Variants in NOVA2 observed in about 807,000 individuals in gnomAD.
The protein encoded by NOVA2 is RNA-binding protein Nova-2.
In NOVA2, 9 loss-of-function variants were observed where a neutral mutation model predicts 22.5. The ratio of observed to expected loss-of-function variants is 0.40; its 90% confidence interval spans 0.24 to 0.70. NOVA2 has a LOEUF of 0.70. Ranked by LOEUF, NOVA2 falls within the 30% of genes least tolerant of loss-of-function variation. NOVA2 has a pLI of 0.38. For missense variants in NOVA2, 383 were observed against 682.8 expected, an observed-to-expected ratio of 0.56 and a Z score of 4.89; for synonymous variants, 318 against 335.2, an observed-to-expected ratio of 0.95 and a Z score of 0.56.
At chr19:45,973,233 C>G in intron 1 of NOVA2, 34 bp downstream of exon 1, 1 of 1,356,960 alleles carries the variant, frequency 7.4e-7, no homozygotes, top group Non-Finnish European at 9.8e-7. Context: ...GCCCCCTGCC[C>G]GCTCCCCCGC....
chr19:45,954,000 C>T, intron 2 of NOVA2, 54 bp from the exon 3 acceptor site: 1 of 1,583,378 alleles, frequency 6.3e-7, no homozygotes, highest in Admixed American at 1.7e-5. Context: ...TGGGAACATT[C>T]CTGAGAGACA....
At chr19:45,960,944 C>T in intron 2 of NOVA2, 66 bp downstream of exon 2, 1 of 1,493,854 alleles carries the variant, frequency 6.7e-7, no homozygotes, top group South Asian at 1.3e-5. Context: ...CATCTAGGGC[C>T]CAGGTGGGAG....
rs768106758 is a variant in NOVA2 at position 45,961,136 on chromosome 19, G to A, written c.103C>T (p.Leu35=). 6.2e-7 allele frequency: 1 copy of A among 1,600,924 alleles called. No homozygotes were observed. The highest frequency in any genetic ancestry group is 8.5e-7 in the Non-Finnish European group (1 of 1,174,018). Residue 35 remains leucine, a synonymous_variant, in exon 2 of 4, where the codon CTG becomes TTG. Coordinates refer to ENST00000263257, the MANE Select transcript of NOVA2 (RefSeq NM_002516.4). ...GCGTAGCTGGGGATCAGCACCTTCA[G>A]GAAGTATTCGCCTTCCTCTGCGGGG... is the stretch of plus-strand genomic sequence containing the variant. ...SNTGEEGEYF[L]KVLIPSYAAG... is the part of the protein sequence containing the mutation.
At chr19:45,973,196 G>A (rs952424209) in intron 1 of NOVA2, 71 bp downstream of exon 1, 21 of 759,872 alleles carry the variant, frequency 2.8e-5, no homozygotes, top group South Asian at 4.3e-5. Context: ...TGCCACGGGA[G>A]GGGGGGAAAG....
At chr19:45,941,576 T>C (rs1014555507) in intron 3 of NOVA2, among the ~76,000 whole-genome samples, 2 of 151,716 alleles carry the variant, frequency 1.3e-5, no homozygotes, top group Admixed American at 6.6e-5. Context: ...TATGCACCAG[T>C]ATGGTCCAAC....
rs1184456140 is a variant in NOVA2, at chr19:45,939,052, C to T, written c.*811G>A. 1 of 152,278 alleles carries T rather than the reference C, an allele frequency of 6.6e-6. No homozygotes were observed. Among genetic ancestry groups the T allele is most frequent in the Non-Finnish European group, 1.5e-5 (1 of 68,064 alleles). The allele number at this position is 152,278 out of a possible 1,614,324, so 9.4% of individuals were successfully genotyped here. A position where few individuals can be genotyped will look rare whatever the true frequency, so the allele number is the denominator to read the frequency against. ...CAGAAAGTACTCAGTGACATCACAACAGAGACCCTCATTGCCATTACTCTA... is the reference window on the plus strand; with the variant it reads ...CAGAAAGTACTCAGTGACATCACAATAGAGACCCTCATTGCCATTACTCTA... On this transcript the variant is annotated 3_prime_UTR_variant, in exon 4 of 4. Coordinates refer to ENST00000263257, the MANE Select transcript of NOVA2 (RefSeq NM_002516.4).
In NOVA2 at chr19:45,938,695, G is replaced by C. The variant is rs1206604032; in HGVS notation, c.*1168C>G. 1 of 152,114 alleles carries C rather than the reference G, an allele frequency of 6.6e-6. No individual in the cohort carries two copies. Among genetic ancestry groups the C allele is most frequent in the African/African-American group, 2.4e-5 (1 of 41,406 alleles). 9.4% of individuals were successfully genotyped at this position (152,114 alleles called of 1,614,324 possible). A position where few individuals can be genotyped will look rare whatever the true frequency, so the allele number is the denominator to read the frequency against. On this transcript the variant is annotated 3_prime_UTR_variant, in exon 4 of 4. Coordinates refer to ENST00000263257, the MANE Select transcript of NOVA2 (RefSeq NM_002516.4). ...TGACAATATTGGTTTTTTTCCGTTA[G>C]AGTCCTCCAGATTGGATCCAAGTCC...
At chr19:45,972,888 T>C (rs969734389) in intron 1 of NOVA2, among the ~76,000 whole-genome samples, 3 of 151,740 alleles carry the variant, frequency 2.0e-5, no homozygotes, top group Non-Finnish European at 4.4e-5. Flanking sequence ...AGGCCTCTAC[T>C]CCTTCCCCTC....
intron 3 of NOVA2, among the ~76,000 whole-genome samples, chr19:45,950,366 G>T (rs56361150): frequency 0.42 from 63,567 of 151,558 alleles, 15,786 homozygotes; most frequent in Non-Finnish European, 0.55. Flanking sequence ...TTGCCATGTT[G>T]GCCACGCTGG....
Position 45,934,775 on chromosome 19 carries a change from AG to A in NOVA2, c.*5087del, listed in dbSNP as rs1314667284. Reference sequence around the variant, plus strand: ...CCACGCCCCTGGACCCGCCTTTTAAAGGGACAAAGCCAAATAGCATAGATAT... The same window carrying A: ...CCACGCCCCTGGACCCGCCTTTTAAAGGACAAAGCCAAATAGCATAGATAT... On this transcript the variant is annotated 3_prime_UTR_variant, in exon 4 of 4. Coordinates refer to ENST00000263257, the MANE Select transcript of NOVA2 (RefSeq NM_002516.4). The A allele has an allele frequency of 6.7e-6, 1 of 149,504 alleles. No individual in the cohort carries two copies. The highest frequency in any genetic ancestry group is 2.0e-4 in the East Asian group (1 of 4,990). The allele number at this position is 149,504 out of a possible 1,614,324, so 9.3% of individuals were successfully genotyped here. A position where few individuals can be genotyped will look rare whatever the true frequency, so the allele number is the denominator to read the frequency against.
chr19:45,961,122 G>A lies in NOVA2; in HGVS notation c.117C>T (p.Ile39=), dbSNP rs114490786. ...EEGEYFLKVL[I]PSYAAGSIIG... ...TGATGGAGCCCGCCGCGTAGCTGGG[G>A]ATCAGCACCTTCAGGAAGTATTCGC... Residue 39 remains isoleucine, a synonymous_variant, in exon 2 of 4, where the codon ATC becomes ATT. Coordinates refer to ENST00000263257, the MANE Select transcript of NOVA2 (RefSeq NM_002516.4). 1,250 of 1,600,244 alleles carry A rather than the reference G, an allele frequency of 7.8e-4. 6 individuals are homozygous for A. In the African/African-American group the frequency reaches 0.012, roughly 15 times the overall value.
intron 3 of NOVA2, among the ~76,000 whole-genome samples, chr19:45,950,164 CT>C (rs61551112): frequency 0.13 from 17,058 of 132,522 alleles, 2,033 homozygotes; most frequent in East Asian, 0.32. Flanking sequence ...TGGAAACATT[CT>C]TTTTTTTTTT....
Position 45,940,190 on chromosome 19 carries a change from A to G in NOVA2, c.1152T>C (p.Ala384=). The part of the protein sequence containing the change: ...AGGGGGPLVA[A]AAAAGAAGGF... ...CCCCGGCCGCCCCGGCCGCGGCTGC[A>G]GCGGCCACCAGCGGGCCGCCCCCTC... The change falls in exon 4 of 4, where the codon GCT becomes GCC. Residue 384 remains alanine (A), a synonymous_variant. Transcript: ENST00000263257. The G allele has an allele frequency of 3.2e-6, 5 of 1,552,908 alleles. No homozygotes were observed. Among genetic ancestry groups the G allele is most frequent in the Non-Finnish European group, 4.3e-6 (5 of 1,156,236 alleles).
chr19:45,951,981 A>G (rs761765739), intron 3 of NOVA2, among the ~76,000 whole-genome samples: 34 of 152,184 alleles, frequency 2.2e-4, no homozygotes, highest in Non-Finnish European at 4.3e-4. Flanking sequence ...CCCTCTCCAG[A>G]GAGCAACAAC....
chr19:45,968,235 T>C (rs550303957), intron 1 of NOVA2, among the ~76,000 whole-genome samples: 1 of 151,862 alleles, frequency 6.6e-6, no homozygotes, highest in African/African-American at 2.4e-5. Context: ...AAGGGAGAGC[T>C]GGCATGTTCT....
intron 1 of NOVA2, among the ~76,000 whole-genome samples, chr19:45,970,439 G>A (rs1350563392): frequency 6.6e-6 from 1 of 150,666 alleles, no homozygotes; most frequent in Non-Finnish European, 1.5e-5. Flanking sequence ...GTGGTGGTGC[G>A]ATCTCGGCTC....
Position 45,939,687 on chromosome 19 carries a change from C to A in NOVA2, c.*176G>T, listed in dbSNP as rs914242762. The stretch of plus-strand genomic sequence containing the variant: ...GGGGCTTCTGAGCCCCCTTCCCAAC[C>A]GTCACTCAATCCTGCCTATGACTAC... On this transcript the variant is annotated 3_prime_UTR_variant, in exon 4 of 4. Transcript: ENST00000263257. The A allele has an allele frequency of 1.3e-6, 1 of 769,740 alleles. No homozygotes were observed. Among genetic ancestry groups the A allele is most frequent in the South Asian group, 1.9e-5 (1 of 52,956 alleles). The allele number at this position is 769,740 out of a possible 1,614,324, so 47.7% of individuals were successfully genotyped here.
intron 2 of NOVA2, 24 bp downstream of exon 2, chr19:45,960,986 G>A (rs1260398159): frequency 3.2e-6 from 5 of 1,563,802 alleles, no homozygotes; most frequent in Non-Finnish European, 4.3e-6. Context: ...GGGGCCTAGG[G>A]CAGAGACCTG....
intron 3 of NOVA2, among the ~76,000 whole-genome samples, chr19:45,943,309 G>A (rs1449827298): frequency 6.6e-6 from 1 of 151,654 alleles, no homozygotes; most frequent in Non-Finnish European, 1.5e-5. Context: ...AGCCACCTCA[G>A]CCTCCCAAAG....
Sources: gnomAD v4.1 joint callset for allele counts (sites outside exome capture counted in the v4.1 genomes callset) on GRCh38, gnomAD v4.1.1 for gene constraint, MANE v1.5 for transcripts, NCBI Gene and HGNC (gene_info 2026-07-23, HGNC 2026-07-21) for gene names.